Variants in CUBN observed in about 807,000 individuals in gnomAD.
The protein encoded by CUBN is 460 kDa receptor.
Under a neutral mutation model 405.3 loss-of-function variants are expected in CUBN, and 282 were observed. The ratio of observed to expected loss-of-function variants is 0.70; its 90% confidence interval spans 0.63 to 0.77. The LOEUF (loss-of-function observed/expected upper bound fraction) is 0.77, where lower values mean the gene tolerates loss of function less well. Ranked by LOEUF, CUBN falls within the 30% of genes least tolerant of loss-of-function variation. CUBN has a pLI of 0.00. For missense variants in CUBN, 4,514 were observed against 4,475.2 expected, an observed-to-expected ratio of 1.01 and a Z score of -0.25; for synonymous variants, 1,684 against 1,617.0, an observed-to-expected ratio of 1.04 and a Z score of -0.99.
At chr10:16,826,583 A>C (rs1838790557) in intron 66 of CUBN, among the ~76,000 whole-genome samples, 2 of 152,242 alleles carry the variant, frequency 1.3e-5, no homozygotes. Context: ...TTTAAGAAAA[A>C]AAACAATTAC....
rs1174435624 is a variant in CUBN, at chr10:17,071,971, C to A, written c.2302G>T (p.Val768Phe). ...QSDSSQNYIE[V>F]RDGETLLGKV... ...CCAAGTAAGGTTTCACCATCTCGAA[C>A]CTAAAGAGAAAAATAAAATAGAGAT... The change falls in exon 18 of 67, where the codon GTT (valine) becomes TTT (phenylalanine). Residue 768 changes from valine to phenylalanine, a missense_variant and splice_region_variant. Val to Phe is a conservative substitution (Grantham distance 50). Coordinates refer to ENST00000377833, the MANE Select transcript of CUBN (RefSeq NM_001081.4). The A allele has an allele frequency of 2.5e-6, 4 of 1,609,558 alleles. No individual in the cohort carries two copies. The African/African-American group carries it at 4.0e-5, about 16-fold the overall frequency.
Position 16,900,929 on chromosome 10 carries a change from A to C in CUBN, c.8185-79T>G, listed in dbSNP as rs926803273. ...AGATAAGGCCCTTACAAATCGTTTAATTTTGTTTTTATTTTTATAATTTGT... is the reference window on the plus strand; with the variant it reads ...AGATAAGGCCCTTACAAATCGTTTACTTTTGTTTTTATTTTTATAATTTGT... On this transcript the variant is annotated intron_variant, in intron 52 of 66. Transcript: ENST00000377833. The C allele has an allele frequency of 3.0e-6, 3 of 987,538 alleles. No individual in the cohort carries two copies. The African/African-American group carries it at 4.9e-5, about 16-fold the overall frequency. The allele number at this position is 987,538 out of a possible 1,614,324, so 61.2% of individuals were successfully genotyped here.
At chr10:16,876,538 C>A (rs1012215166) in intron 57 of CUBN, among the ~76,000 whole-genome samples, 2 of 151,874 alleles carry the variant, frequency 1.3e-5, no homozygotes, top group Non-Finnish European at 2.9e-5. Flanking sequence ...TTTGTATTAG[C>A]AAAATGACTT....
At chr10:16,851,835 T>C (rs1432077014) in intron 59 of CUBN, among the ~76,000 whole-genome samples, 4 of 130,110 alleles carry the variant, frequency 3.1e-5, no homozygotes, top group South Asian at 3.0e-4. Flanking sequence ...TCCCTCACTC[T>C]GTCTTTCCCT....
At chr10:16,836,530 C>T (rs1425430582) in intron 62 of CUBN, 148 bp from the exon 63 acceptor site, 1 of 793,144 alleles carries the variant, frequency 1.3e-6, no homozygotes, top group African/African-American at 1.7e-5. Flanking sequence ...CAAGAAGACT[C>T]ACGTTGGCCT....
chr10:17,039,471 C>T (rs1834969708), intron 27 of CUBN, among the ~76,000 whole-genome samples: 2 of 152,128 alleles, frequency 1.3e-5, no homozygotes, highest in African/African-American at 4.8e-5. Flanking sequence ...GCCCACAGTC[C>T]AGTGGGAATC....
chr10:16,851,455 C>T lies in CUBN; in HGVS notation c.9455-12G>A, dbSNP rs370688491. The T allele has an allele frequency of 6.2e-7, 1 of 1,613,030 alleles. No homozygotes were observed. The highest frequency in any genetic ancestry group is 1.3e-5 in the African/African-American group (1 of 74,998). The stretch of plus-strand genomic sequence containing the variant: ...TCCTTGCTGAGGCCCTGCATTAAAA[C>T]AAAGACATCACTATGCAGACCAAAC... On this transcript the variant is annotated splice_polypyrimidine_tract_variant and intron_variant, in intron 59 of 66. Transcript: ENST00000377833.
intron 31 of CUBN, among the ~76,000 whole-genome samples, chr10:16,980,732 C>A (rs1004231029): frequency 6.6e-6 from 1 of 152,090 alleles, no homozygotes; most frequent in Non-Finnish European, 1.5e-5. Context: ...AGGAGAAATA[C>A]CTTATGTAGA....
intron 31 of CUBN, 97 bp from the exon 32 acceptor site, chr10:16,954,645 T>A: frequency 6.9e-6 from 9 of 1,311,300 alleles, no homozygotes; most frequent in Non-Finnish European, 9.7e-6. Flanking sequence ...TAGTGGATAA[T>A]CACACGTTTG....
At chr10:16,875,760 C>T (rs1840480234) in intron 57 of CUBN, among the ~76,000 whole-genome samples, 1 of 152,200 alleles carries the variant, frequency 6.6e-6, no homozygotes, top group African/African-American at 2.4e-5. Context: ...TTAAGTGGGA[C>T]TCTTATACTA....
Position 17,019,954 on chromosome 10 carries a change from G to A in CUBN, c.4047C>T (p.Arg1349=). 6.2e-7 allele frequency: 1 copy of A among 1,614,138 alleles called. No homozygotes were observed. The highest frequency in any genetic ancestry group is 1.3e-5 in the African/African-American group (1 of 75,036). The part of the protein sequence containing the change: ...ELYDGPRQMG[R]YCGVDLPPPG... ...GAGGGGGCAGGTCTACTCCACAGTA[G>A]CGTCCCATCTGCCGTGGTCCATCAT... Residue 1349 remains arginine, a synonymous_variant, in exon 28 of 67, where the codon CGC becomes CGT. Transcript: ENST00000377833.
chr10:17,060,198 C>T (rs900369754), intron 22 of CUBN, among the ~76,000 whole-genome samples: 9 of 151,702 alleles, frequency 5.9e-5, no homozygotes, highest in Admixed American at 1.3e-4. Context: ...TTTCTCTCAC[C>T]GCAACCTCCG....
Position 16,898,578 on chromosome 10 carries a change from G to A in CUBN, c.8598+418C>T, listed in dbSNP as rs552798017. Among the ~76,000 whole-genome samples, 33 of 152,230 alleles carry A rather than the reference G, an allele frequency of 2.2e-4. 1 individual carries two copies. Among genetic ancestry groups the A allele is most frequent in the Admixed American group, 1.8e-3 (27 of 15,288 alleles). ...GGAAAGTGACAAGCCACTGCCACAC[G>A]AGCAGCATTTATAACTTTAGATTTT... On this transcript the variant is annotated intron_variant, in intron 54 of 66. Transcript: ENST00000377833.
chr10:16,928,170 T>C lies in CUBN; in HGVS notation c.6258A>G (p.Ala2086=), dbSNP rs1842246132. Residue 2086 remains alanine (A), a synonymous_variant, in exon 41 of 67, where the codon GCA becomes GCG. Coordinates refer to ENST00000377833, the MANE Select transcript of CUBN (RefSeq NM_001081.4). ...DSSVTRAGFN[A]SFHKSCGGYL... The stretch of plus-strand genomic sequence containing the variant: ...TGAACTCATTACTCTTGTGAAAGGA[T>C]GCATTGAAGCCTGCCCTGGTTACAC... 1.2e-6 allele frequency: 2 copies of C among 1,613,714 alleles called. No homozygotes were observed. The highest frequency in any genetic ancestry group is 4.5e-5 in the East Asian group (2 of 44,880).
chr10:17,109,585 G>T, intron 10 of CUBN, 55 bp downstream of exon 10: 4 of 1,357,572 alleles, frequency 2.9e-6, no homozygotes, highest in Non-Finnish European at 4.2e-6. Context: ...ATGTTGAATT[G>T]GTTTAGAAGG....
intron 46 of CUBN, 98 bp from the exon 47 acceptor site, chr10:16,915,270 A>G: frequency 1.4e-6 from 2 of 1,422,950 alleles, no homozygotes; most frequent in Non-Finnish European, 2.0e-6. Flanking sequence ...ATAATAAAAA[A>G]CAAGACCCTG....
At chr10:16,977,198 C>G (rs1404540304) in intron 31 of CUBN, among the ~76,000 whole-genome samples, 7 of 152,122 alleles carry the variant, frequency 4.6e-5, no homozygotes, top group African/African-American at 1.7e-4. Flanking sequence ...AGTTCCCCAG[C>G]AAAGGCCCCA....
intron 22 of CUBN, among the ~76,000 whole-genome samples, chr10:17,056,901 C>G (rs979887415): frequency 6.6e-6 from 1 of 152,042 alleles, no homozygotes; most frequent in Admixed American, 6.5e-5. Flanking sequence ...TAATGAACAC[C>G]TCACAAAAGA....
chr10:16,917,239 T>C (rs917872115), intron 45 of CUBN, among the ~76,000 whole-genome samples: 3 of 152,200 alleles, frequency 2.0e-5, no homozygotes, highest in African/African-American at 7.2e-5. Context: ...GGTTCTTAAA[T>C]GGTTTTATTA....
Sources: allele counts gnomAD v4.1 joint callset (sites outside exome capture counted in the v4.1 genomes callset), GRCh38; gene constraint gnomAD v4.1.1; transcripts MANE v1.5; gene names NCBI Gene and HGNC (gene_info 2026-07-23, HGNC 2026-07-21).